Variants in NPAS3 observed in about 807,000 individuals in gnomAD.
NPAS3 encodes the protein neuronal PAS domain protein 3.
A neutral mutation model predicts 73.1 loss-of-function variants in NPAS3; 14 were observed. That is an observed-to-expected ratio of 0.19 (90% confidence interval 0.13 to 0.30). The LOEUF (loss-of-function observed/expected upper bound fraction) is 0.30. Among genes scored for constraint, NPAS3 ranks in the 10% least tolerant of loss-of-function variants. The pLI is 1.00. For missense variants in NPAS3, 1,096 were observed against 1,250.0 expected (o/e 0.88, Z 1.86); for synonymous variants, 620 against 541.5 (o/e 1.14, Z -2.01).
At chr14:33,568,983 G>A (rs1386663113) in intron 5 of NPAS3, among the ~76,000 whole-genome samples, 2 of 152,124 alleles carry the variant, frequency 1.3e-5, no homozygotes, top group East Asian at 3.9e-4. Flanking sequence ...ATCTTTTGAT[G>A]CATTTTTGTG....
At chr14:33,463,565 A>C (rs1022705404) in intron 4 of NPAS3, among the ~76,000 whole-genome samples, 1 of 152,218 alleles carries the variant, frequency 6.6e-6, no homozygotes, top group Non-Finnish European at 1.5e-5. Context: ...ATAAATATTA[A>C]GTAAAAGCTC....
chr14:33,327,549 A>G lies in NPAS3; in HGVS notation c.386-39637A>G, dbSNP rs111821184. On this transcript the variant is annotated intron_variant, in intron 3 of 11. Coordinates refer to ENST00000356141, the Ensembl canonical transcript of NPAS3. ...GCATATATTCAGAAAACAATCATGC[A>G]AGAAAAGATATATTACATTATGGTT... Among the ~76,000 whole-genome samples, 1,439 of 152,340 alleles carry G rather than the reference A, an allele frequency of 9.4e-3. 17 individuals carry two copies. The highest frequency in any genetic ancestry group is 0.033 in the African/African-American group (1,373 of 41,582).
chr14:33,320,129 CA>C lies in NPAS3; in HGVS notation c.386-47056del. 1.3e-5 allele frequency among the ~76,000 whole-genome samples: 2 copies of C among 152,102 alleles called. 1 individual carries two copies. Among genetic ancestry groups the C allele is most frequent in the South Asian group, 4.1e-4 (2 of 4,822 alleles). ...TGTTGGTTGGTAGAAGAGCACTTTG[CA>C]GAAAGGGAATGGCATGAACATCATT... On this transcript the variant is annotated intron_variant, in intron 3 of 11. Coordinates refer to ENST00000356141, the Ensembl canonical transcript of NPAS3.
At chr14:33,694,543 T>C (rs1035951129) in intron 6 of NPAS3, among the ~76,000 whole-genome samples, 1 of 152,172 alleles carries the variant, frequency 6.6e-6, no homozygotes, top group Non-Finnish European at 1.5e-5. Context: ...ATAAAATGTA[T>C]AGAATGTCAA....
At chr14:33,236,277 C>T (rs775582245) in intron 3 of NPAS3, among the ~76,000 whole-genome samples, 10 of 152,070 alleles carry the variant, frequency 6.6e-5, no homozygotes, top group Non-Finnish European at 1.5e-4. Flanking sequence ...CATTTTGTTT[C>T]ACCTCAAGCT....
chr14:33,544,204 A>G (rs1486055855), intron 4 of NPAS3, among the ~76,000 whole-genome samples: 1 of 151,896 alleles, frequency 6.6e-6, no homozygotes, highest in African/African-American at 2.4e-5. Context: ...GTGCCGTGGC[A>G]CCATCATAGC....
At chr14:33,191,359 C>A (rs1289080140) in intron 2 of NPAS3, among the ~76,000 whole-genome samples, 1 of 152,110 alleles carries the variant, frequency 6.6e-6, no homozygotes, top group African/African-American at 2.4e-5. Context: ...TGTGTTAAAT[C>A]TTATAATTTG....
intron 1 of NPAS3, among the ~76,000 whole-genome samples, chr14:32,961,369 C>T (rs2036909010): frequency 6.7e-6 from 1 of 149,432 alleles, no homozygotes; most frequent in African/African-American, 2.5e-5. Flanking sequence ...TGAGATTGCA[C>T]CACAGCACTC....
intron 3 of NPAS3, among the ~76,000 whole-genome samples, chr14:33,223,027 G>A (rs189974714): frequency 6.6e-6 from 1 of 152,110 alleles, no homozygotes; most frequent in Admixed American, 6.6e-5. Context: ...ACATGCAGAG[G>A]AGGCGCAGGT....
At chr14:33,619,084 T>C (rs2058006532) in intron 5 of NPAS3, among the ~76,000 whole-genome samples, 1 of 152,242 alleles carries the variant, frequency 6.6e-6, no homozygotes, top group Non-Finnish European at 1.5e-5. Context: ...TTATATACTT[T>C]AACGTATAGA....
chr14:33,544,825 A>ATATATATATATAAT lies in NPAS3; in HGVS notation c.469-15293_469-15292insATATATATAATTAT. Among the ~76,000 whole-genome samples, 34 of 112,180 alleles carry ATATATATATATAAT rather than the reference A, an allele frequency of 3.0e-4. 1 individual carries two copies. Among genetic ancestry groups the ATATATATATATAAT allele is most frequent in the African/African-American group, 1.1e-3 (26 of 24,542 alleles). The allele number at this position is 112,180 out of a possible 152,430, so 73.6% of individuals were successfully genotyped here. A position where few individuals can be genotyped will look rare whatever the true frequency, so the allele number is the denominator to read the frequency against. On this transcript the variant is annotated intron_variant, in intron 4 of 11. Coordinates refer to ENST00000356141, the Ensembl canonical transcript of NPAS3. Reference sequence around the variant, plus strand: ...ATATATATATATGTATATATAATATATATGTGTATATATATATTATATATA... The same window carrying ATATATATATATAAT: ...ATATATATATATGTATATATAATATATATATATATATAATTATGTGTATATATATATTATATATA...
intron 3 of NPAS3, among the ~76,000 whole-genome samples, chr14:33,248,066 C>T (rs1221079523): frequency 6.6e-6 from 1 of 152,170 alleles, no homozygotes; most frequent in South Asian, 2.1e-4. Flanking sequence ...GCATGAGCTA[C>T]AATGTGTGAA....
At position 33,199,597 on chromosome 14, in the gene NPAS3, C is replaced by G. The variant is rs1406535405; in HGVS notation, c.141-15585C>G. ...GACTGTTTTGAGAATTTAAATATTT[C>G]TGACAGGAAAAAATTTATGAATGTA... On this transcript the variant is annotated intron_variant, in intron 2 of 11. Coordinates refer to ENST00000356141, the Ensembl canonical transcript of NPAS3. Among the ~76,000 whole-genome samples the G allele has an allele frequency of 2.8e-4, 43 of 152,052 alleles. 1 individual carries two copies. The highest frequency in any genetic ancestry group is 6.6e-5 in the Admixed American group (1 of 15,264).
At chr14:33,299,347 T>C (rs749131408) in intron 3 of NPAS3, among the ~76,000 whole-genome samples, 1 of 152,072 alleles carries the variant, frequency 6.6e-6, no homozygotes, top group African/African-American at 2.4e-5. Flanking sequence ...CCATCATGAT[T>C]GGTTTAGCAA....
At chr14:33,592,807 A>C (rs1346873506) in intron 5 of NPAS3, among the ~76,000 whole-genome samples, 1 of 152,176 alleles carries the variant, frequency 6.6e-6, no homozygotes, top group African/African-American at 2.4e-5. Flanking sequence ...AATTGGACGA[A>C]ACTGGCCATG....
At chr14:33,092,650 C>G (rs191427963) in intron 2 of NPAS3, among the ~76,000 whole-genome samples, 149 of 152,250 alleles carry the variant, frequency 9.8e-4, no homozygotes, top group Non-Finnish European at 1.7e-3. Flanking sequence ...AAAAAGAGCC[C>G]GCATTGCCAA....
At chr14:33,631,297 A>G (rs2140137430) in intron 5 of NPAS3, among the ~76,000 whole-genome samples, 1 of 152,338 alleles carries the variant, frequency 6.6e-6, no homozygotes, top group South Asian at 2.1e-4. Flanking sequence ...TTTGAGTTCA[A>G]GAATAGAACT....
chr14:33,726,748 A>C (rs1181016584), intron 6 of NPAS3, among the ~76,000 whole-genome samples: 1 of 152,218 alleles, frequency 6.6e-6, no homozygotes, highest in African/African-American at 2.4e-5. Context: ...GAACAAAGAA[A>C]AAGTGAGCTA....
intron 4 of NPAS3, among the ~76,000 whole-genome samples, chr14:33,507,500 G>A (rs2052822209): frequency 6.6e-6 from 1 of 151,830 alleles, no homozygotes; most frequent in Non-Finnish European, 1.5e-5. Context: ...CTTGTATTTT[G>A]TTCTCTGAAT....
Sources: gnomAD v4.1 joint callset for allele counts (sites outside exome capture counted in the v4.1 genomes callset) on GRCh38, gnomAD v4.1.1 for gene constraint, MANE v1.5 for transcripts, NCBI Gene and HGNC (gene_info 2026-07-23, HGNC 2026-07-21) for gene names.